KCNN2: variants seen among roughly 807,000 people sequenced by gnomAD.
KCNN2 encodes potassium calcium-activated channel subfamily N member 2.
KCNN2 carries 24 observed loss-of-function variants against 55.5 expected under a neutral mutation model. The ratio of observed to expected loss-of-function variants is 0.43; its 90% CI spans 0.31 to 0.61. The LOEUF (loss-of-function observed/expected upper bound fraction) is 0.61, where lower values mean the gene tolerates loss of function less well. Among genes scored for constraint, KCNN2 ranks in the 20% least tolerant of loss-of-function variants. KCNN2 has a pLI of 0.08. For synonymous variants in KCNN2, 431 were observed against 336.1 expected, an observed-to-expected ratio of 1.28 and a Z score of -3.09; for missense variants, 754 against 853.6, an observed-to-expected ratio of 0.88 and a Z score of 1.45.
chr5:114,434,231 T>A (rs928640638), intron 3 of KCNN2, among the ~76,000 whole-genome samples: 2 of 130,086 alleles, frequency 1.5e-5, no homozygotes, highest in Admixed American at 1.5e-4. Flanking sequence ...AGCTCAGAGA[T>A]TTTTTTTTCC....
At chr5:114,301,698 C>T (rs987700974) in intron 2 of KCNN2, among the ~76,000 whole-genome samples, 2 of 152,104 alleles carry the variant, frequency 1.3e-5, no homozygotes, top group South Asian at 2.1e-4. Flanking sequence ...GAGTCTGAGT[C>T]CTGGGTAGCC....
chr5:114,250,764 C>T (rs1027512501), intron 2 of KCNN2, among the ~76,000 whole-genome samples: 1 of 152,184 alleles, frequency 6.6e-6, no homozygotes, highest in African/African-American at 2.4e-5. Flanking sequence ...CTTAGAGCCA[C>T]ATTGGTCTCA....
intron 1 of KCNN2, among the ~76,000 whole-genome samples, chr5:114,193,431 C>T (rs75433450): frequency 0.03 from 4,562 of 152,170 alleles, 231 homozygotes; most frequent in African/African-American, 0.1. Flanking sequence ...AAGTCCTCAA[C>T]GCACACCTCT....
At position 114,200,108 on chromosome 5, in the gene KCNN2, A is replaced by G. The variant is rs144089806; in HGVS notation, c.-270-21372A>G. Among the ~76,000 whole-genome samples the G allele has an allele frequency of 2.0e-3, 297 of 152,224 alleles. 1 individual carries two copies. The highest frequency in any genetic ancestry group is 6.8e-3 in the African/African-American group (281 of 41,560). On this transcript the variant is annotated intron_variant, in intron 1 of 10. Coordinates refer to the KCNN2 transcript ENST00000512097. ...TTATTTTTTTAGATATATATTCTAA[A>G]CTATTTGATCTCTTTCTTTCTCCTT...
chr5:114,108,299 C>T (rs115310090), intron 1 of KCNN2, among the ~76,000 whole-genome samples: 4,567 of 151,952 alleles, frequency 0.03, 231 homozygotes, highest in African/African-American at 0.1. Flanking sequence ...TCTGTTTCCT[C>T]GTCATAAAAT....
At chr5:114,481,009 G>A (rs1190833420) in intron 5 of KCNN2, among the ~76,000 whole-genome samples, 1 of 151,662 alleles carries the variant, frequency 6.6e-6, no homozygotes, top group African/African-American at 2.4e-5. Flanking sequence ...GAAGTTCTGG[G>A]TAATCAGGCA....
At chr5:114,163,357 T>C (rs1752835764) in intron 1 of KCNN2, among the ~76,000 whole-genome samples, 1 of 152,174 alleles carries the variant, frequency 6.6e-6, no homozygotes, top group South Asian at 2.1e-4. Flanking sequence ...AAGGGCATCC[T>C]TGTGGCAATT....
At chr5:114,189,733 C>T (rs1226398084) in intron 1 of KCNN2, among the ~76,000 whole-genome samples, 1 of 152,106 alleles carries the variant, frequency 6.6e-6, no homozygotes, top group Non-Finnish European at 1.5e-5. Flanking sequence ...AATGAAGCCA[C>T]AGTGAAATTA....
rs562541242 is a variant in KCNN2 at position 114,116,876 on chromosome 5, C to T, written c.-271+60376C>T. ...AGGATATGTCCTTATCTTTTGCTTC[C>T]CTGGACAGTTACCCATTTCTGTTCA... On this transcript the variant is annotated intron_variant, in intron 1 of 10. Transcript: ENST00000512097. Among the ~76,000 whole-genome samples the T allele has an allele frequency of 2.0e-5, 3 of 152,064 alleles. No homozygotes were observed. The South Asian group carries it at 6.2e-4, about 32-fold the overall frequency.
chr5:114,372,634 T>A (rs1285461225), intron 2 of KCNN2, among the ~76,000 whole-genome samples: 2 of 152,108 alleles, frequency 1.3e-5, no homozygotes, highest in East Asian at 3.8e-4. Context: ...TTAGAAAATT[T>A]GTGAAACATA....
chr5:114,247,653 A>G (rs545760728), intron 2 of KCNN2, among the ~76,000 whole-genome samples: 2 of 152,340 alleles, frequency 1.3e-5, no homozygotes, highest in South Asian at 2.1e-4. Flanking sequence ...TGCTAAGAGC[A>G]TGCTCACGTA....
chr5:114,334,364 C>G (rs781098991), intron 2 of KCNN2, among the ~76,000 whole-genome samples: 45 of 151,700 alleles, frequency 3.0e-4, no homozygotes, highest in Non-Finnish European at 5.7e-4. Context: ...CTTAACTTCT[C>G]TGAGCCTCAG....
At chr5:114,097,293 T>G (rs2721306) in intron 1 of KCNN2, among the ~76,000 whole-genome samples, 2 of 152,038 alleles carry the variant, frequency 1.3e-5, no homozygotes, top group Non-Finnish European at 2.9e-5. Context: ...CAATTTCATT[T>G]TGTTCGGATT....
At chr5:114,103,763 C>G (rs1751421632) in intron 1 of KCNN2, among the ~76,000 whole-genome samples, 1 of 152,130 alleles carries the variant, frequency 6.6e-6, no homozygotes, top group Non-Finnish European at 1.5e-5. Context: ...CCTTGCATCC[C>G]AGGGATGAAG....
chr5:114,235,152 G>A (rs1168516994), intron 2 of KCNN2, among the ~76,000 whole-genome samples: 1 of 152,146 alleles, frequency 6.6e-6, no homozygotes, highest in Non-Finnish European at 1.5e-5. Context: ...AGGAAATTGT[G>A]CTTTCTCTTT....
intron 2 of KCNN2, among the ~76,000 whole-genome samples, chr5:114,303,878 A>G (rs1362272580): frequency 6.6e-6 from 1 of 152,180 alleles, no homozygotes; most frequent in African/African-American, 2.4e-5. Context: ...GAAGGATGAT[A>G]TATTTCTGAC....
chr5:114,211,640 A>G (rs924373529), intron 1 of KCNN2, among the ~76,000 whole-genome samples: 3 of 152,066 alleles, frequency 2.0e-5, no homozygotes, highest in Non-Finnish European at 2.9e-5. Context: ...GAAATAATCT[A>G]TATACCAAAA....
Position 114,362,646 on chromosome 5 carries a change from C to G in KCNN2, c.507C>G (p.Pro169=). Residue 169 remains proline, a synonymous_variant, in exon 1 of 8, where the codon CCC becomes CCG. Coordinates refer to ENST00000673685, the MANE Select transcript of KCNN2 (RefSeq NM_021614.4). ...QCHSLQPAAS[P]TGSLGSLGSG... ...ACAGCCTGCAGCCCGCCGCCAGCCCCACGGGCAGCCTCGGCAGTCTGGGCT... is the reference window on the plus strand; with the variant it reads ...ACAGCCTGCAGCCCGCCGCCAGCCCGACGGGCAGCCTCGGCAGTCTGGGCT... The G allele has an allele frequency of 1.5e-6, 2 of 1,294,074 alleles. No homozygotes were observed. The highest frequency in any genetic ancestry group is 2.1e-6 in the Non-Finnish European group (2 of 974,976). 80.2% of individuals were successfully genotyped at this position (1,294,074 alleles called of 1,614,324 possible).
chr5:114,287,905 G>T (rs1363578527), intron 2 of KCNN2, among the ~76,000 whole-genome samples: 1 of 152,134 alleles, frequency 6.6e-6, no homozygotes, highest in East Asian at 1.9e-4. Flanking sequence ...TGATGTAGAT[G>T]ATTATTTTAT....
Sources: gnomAD v4.1 joint callset for allele counts (sites outside exome capture counted in the v4.1 genomes callset) on GRCh38, gnomAD v4.1.1 for gene constraint, MANE v1.5 for transcripts, NCBI Gene and HGNC (gene_info 2026-07-23, HGNC 2026-07-21) for gene names.